PPM1L: variants seen among roughly 807,000 people sequenced by gnomAD.
PPM1L encodes the protein protein phosphatase 1L.
A neutral mutation model predicts 31.4 loss-of-function variants in PPM1L; 13 were observed. The ratio of observed to expected loss-of-function variants is 0.41; its 90% CI spans 0.27 to 0.66. The LOEUF (loss-of-function observed/expected upper bound fraction) is 0.66, where lower values mean the gene tolerates loss of function less well. PPM1L is among the 30% of genes least tolerant of loss of function. The pLI is 0.29. For missense variants in PPM1L, 326 were observed against 453.7 expected (o/e 0.72, Z 2.56); for synonymous variants, 184 against 175.4 (o/e 1.05, Z -0.39).
At chr3:160,991,388 T>C (rs1320018087) in intron 2 of PPM1L, among the ~76,000 whole-genome samples, 2 of 152,130 alleles carry the variant, frequency 1.3e-5, no homozygotes, top group African/African-American at 4.8e-5. Flanking sequence ...GATGGTGTAG[T>C]TATAGCACAT....
chr3:161,021,816 T>G (rs1442654752), intron 2 of PPM1L, among the ~76,000 whole-genome samples: 1 of 152,076 alleles, frequency 6.6e-6, no homozygotes, highest in Non-Finnish European at 1.5e-5. Context: ...TTTTCTGATA[T>G]TCGTAAAGCT....
At chr3:160,893,473 A>G (rs1052889908) in intron 1 of PPM1L, among the ~76,000 whole-genome samples, 1 of 152,138 alleles carries the variant, frequency 6.6e-6, no homozygotes, top group Non-Finnish European at 1.5e-5. Context: ...CTCATCTGTC[A>G]TTTTCCTGAT....
intron 2 of PPM1L, among the ~76,000 whole-genome samples, chr3:161,005,399 G>A (rs1328339431): frequency 6.6e-6 from 1 of 152,166 alleles, no homozygotes; most frequent in Admixed American, 6.5e-5. Flanking sequence ...AATTAACTAT[G>A]ATCTCATAAA....
intron 1 of PPM1L, among the ~76,000 whole-genome samples, chr3:160,806,107 A>G (rs1169208450): frequency 6.6e-6 from 1 of 152,018 alleles, no homozygotes; most frequent in Non-Finnish European, 1.5e-5. Context: ...ACCCTGGAAA[A>G]CTACTCCAGC....
At chr3:161,004,749 T>A (rs1270057764) in intron 2 of PPM1L, among the ~76,000 whole-genome samples, 1 of 150,740 alleles carries the variant, frequency 6.6e-6, no homozygotes, top group Admixed American at 6.6e-5. Context: ...TTATTAGTCT[T>A]GCTAGCGGTC....
chr3:161,069,205 C>T lies in PPM1L; in HGVS notation c.*48C>T, dbSNP rs764990573. ...CTTAGACTAAAGGACTTTCAACACACTGGTCTCTTTTAATTTAGTGAAAAG... is the reference window on the plus strand; with the variant it reads ...CTTAGACTAAAGGACTTTCAACACATTGGTCTCTTTTAATTTAGTGAAAAG... On this transcript the variant is annotated 3_prime_UTR_variant, in exon 4 of 4. Transcript: ENST00000498165. 3 of 1,358,538 alleles carry T rather than the reference C, an allele frequency of 2.2e-6. No homozygotes were observed. Among genetic ancestry groups the T allele is most frequent in the Non-Finnish European group, 3.0e-6 (3 of 987,588 alleles). The allele number at this position is 1,358,538 out of a possible 1,614,324, so 84.2% of individuals were successfully genotyped here.
At chr3:160,858,122 G>A (rs547389014) in intron 1 of PPM1L, among the ~76,000 whole-genome samples, 12 of 152,262 alleles carry the variant, frequency 7.9e-5, no homozygotes, top group African/African-American at 2.6e-4. Context: ...TCCATACTGT[G>A]TAATGTGGAC....
chr3:160,759,998 A>G (rs1171469107), intron 1 of PPM1L, among the ~76,000 whole-genome samples: 1 of 152,102 alleles, frequency 6.6e-6, no homozygotes, highest in Non-Finnish European at 1.5e-5. Context: ...CAAGAAGACC[A>G]AGAAGTCTGC....
At chr3:160,799,517 TTAA>T (rs1712360682) in intron 1 of PPM1L, among the ~76,000 whole-genome samples, 1 of 152,242 alleles carries the variant, frequency 6.6e-6, no homozygotes, top group Admixed American at 6.5e-5. Flanking sequence ...TATTGTACAC[TTAA>T]TAGACTACAA....
In PPM1L at chr3:160,866,163, T is replaced by G. The variant is rs1355910677; in HGVS notation, c.400-95573T>G. On this transcript the variant is annotated intron_variant, in intron 1 of 3. Coordinates refer to ENST00000498165, the MANE Select transcript of PPM1L (RefSeq NM_139245.4). ...TCCTGTCAGTGCTCAGAAAGGTACT[T>G]GGCTAATGCTCTTCTGAATTTCAGG... 2.0e-5 allele frequency among the ~76,000 whole-genome samples: 3 copies of G among 152,174 alleles called. 1 individual carries two copies. Among genetic ancestry groups the G allele is most frequent in the African/African-American group, 7.2e-5 (3 of 41,444 alleles).
Position 160,756,233 on chromosome 3 carries a change from C to T in PPM1L, c.-76C>T, listed in dbSNP as rs773390877. 1.6e-4 allele frequency: 236 copies of T among 1,508,368 alleles called. No homozygotes were observed. Among genetic ancestry groups the T allele is most frequent in the Non-Finnish European group, 2.0e-4 (219 of 1,111,488 alleles). 93.4% of individuals were successfully genotyped at this position (1,508,368 alleles called of 1,614,324 possible). On this transcript the variant is annotated 5_prime_UTR_variant, in exon 1 of 4. Coordinates refer to ENST00000498165, the MANE Select transcript of PPM1L (RefSeq NM_139245.4). The surrounding 1 kb of genome is among the most constrained non-coding windows in gnomAD (Gnocchi z 6.2). The stretch of plus-strand genomic sequence containing the variant: ...CTCCGCCTCCCTCCCGGCGGGCTGT[C>T]CCCGCAGTGCTCCCGGACCCGGCGA...
Position 160,756,341 on chromosome 3 carries a change from G to T in PPM1L, c.33G>T (p.Leu11=). Residue 11 remains leucine (L), a synonymous_variant, in exon 1 of 4, where the codon CTG becomes CTT. Transcript: ENST00000498165. The surrounding 1 kb of genome is among the most constrained non-coding windows in gnomAD (Gnocchi z 6.2). MIEDTMTLLS[L]LGRIMRYFLL... ...AGGATACAATGACTTTGCTGTCTCT[G>T]CTGGGTCGCATCATGCGCTACTTCT... 1 of 1,614,148 alleles carries T rather than the reference G, an allele frequency of 6.2e-7. No individual in the cohort carries two copies. Among genetic ancestry groups the T allele is most frequent in the Non-Finnish European group, 8.5e-7 (1 of 1,179,994 alleles).
At chr3:160,864,496 A>G (rs939347890) in intron 1 of PPM1L, among the ~76,000 whole-genome samples, 1 of 152,156 alleles carries the variant, frequency 6.6e-6, no homozygotes, top group Non-Finnish European at 1.5e-5. Flanking sequence ...TTCCTTGACT[A>G]CCATCTGCTT....
At chr3:160,794,466 G>A (rs1712188075) in intron 1 of PPM1L, among the ~76,000 whole-genome samples, 2 of 152,124 alleles carry the variant, frequency 1.3e-5, no homozygotes, top group African/African-American at 4.8e-5. Context: ...TCACCGAAAA[G>A]CATTTGGTAT....
At chr3:160,783,424 A>C (rs771829941) in intron 1 of PPM1L, among the ~76,000 whole-genome samples, 3 of 151,900 alleles carry the variant, frequency 2.0e-5, no homozygotes, top group Admixed American at 1.3e-4. Flanking sequence ...ATATGGTGAA[A>C]CTCCATATCT....
At chr3:161,051,150 T>C (rs935066824) in intron 2 of PPM1L, among the ~76,000 whole-genome samples, 1 of 152,200 alleles carries the variant, frequency 6.6e-6, no homozygotes, top group African/African-American at 2.4e-5. Context: ...TTCCCTTCTC[T>C]GCTATCACCC....
intron 1 of PPM1L, among the ~76,000 whole-genome samples, chr3:160,772,212 G>T (rs902617116): frequency 1.3e-5 from 2 of 152,114 alleles, no homozygotes; most frequent in South Asian, 2.1e-4. Context: ...AGAGCCACAG[G>T]CCCTGATCTG....
In PPM1L at chr3:161,074,306, G is replaced by A. The variant is rs1720033612; in HGVS notation, c.*5149G>A. On this transcript the variant is annotated 3_prime_UTR_variant, in exon 4 of 4. Transcript: ENST00000498165. ...TGTTATCTCTTGCCTAAAATGTGAG[G>A]CCTTCCTGTAGTTCCACAGTAGTTA... 6.6e-6 allele frequency: 1 copy of A among 152,108 alleles called. No homozygotes were observed. Among genetic ancestry groups the A allele is most frequent in the African/African-American group, 2.4e-5 (1 of 41,410 alleles). The allele number at this position is 152,108 out of a possible 1,614,324, so 9.4% of individuals were successfully genotyped here. A position where few individuals can be genotyped will look rare whatever the true frequency, so the allele number is the denominator to read the frequency against.
intron 2 of PPM1L, among the ~76,000 whole-genome samples, chr3:161,059,795 G>C (rs1719517825): frequency 6.6e-6 from 1 of 152,006 alleles, no homozygotes; most frequent in Non-Finnish European, 1.5e-5. Flanking sequence ...GTGATAGTGA[G>C]TTCTTGTGAG....
Sources: gnomAD v4.1 joint callset for allele counts (sites outside exome capture counted in the v4.1 genomes callset) on GRCh38, gnomAD v4.1.1 for gene constraint, Gnocchi (gnomAD v3.1) non-coding constraint, MANE v1.5 for transcripts, NCBI Gene and HGNC (gene_info 2026-07-23, HGNC 2026-07-21) for gene names.